Variants in TASOR2 observed in about 807,000 individuals in gnomAD.
The protein encoded by TASOR2 is protein TASOR 2.
In TASOR2, 84 loss-of-function variants were observed where a neutral mutation model predicts 199.5. The ratio of observed to expected loss-of-function variants is 0.42; its 90% CI spans 0.35 to 0.50. TASOR2 has a LOEUF of 0.50. Ranked by LOEUF, TASOR2 falls within the 20% of genes least tolerant of loss-of-function variation. TASOR2 has a pLI of 0.02. For synonymous variants in TASOR2, 1,103 were observed against 1,046.6 expected (o/e 1.05, Z -1.04); for missense variants, 2,796 against 2,835.9 (o/e 0.99, Z 0.32).
chr10:5,718,231 C>T (rs184390871), intron 3 of TASOR2, among the ~76,000 whole-genome samples: 11 of 151,882 alleles, frequency 7.2e-5, no homozygotes, highest in African/African-American at 1.9e-4. Flanking sequence ...TTAAGTGAAT[C>T]GTGCAATTAG....
chr10:5,749,691 C>G, exon 15 of TASOR2: 1 of 1,614,142 alleles, frequency 6.2e-7, no homozygotes, highest in Non-Finnish European at 8.5e-7. Flanking sequence ...CTGTTTCATT[C>G]CACCTCAACA....
At chr10:5,697,240 A>G (rs566114809) in intron 1 of TASOR2, among the ~76,000 whole-genome samples, 1 of 152,286 alleles carries the variant, frequency 6.6e-6, no homozygotes, top group African/African-American at 2.4e-5. Flanking sequence ...GGGGCAGAGA[A>G]CGAGGTGCTA....
intron 2 of TASOR2, among the ~76,000 whole-genome samples, chr10:5,715,089 G>A (rs1056947693): frequency 6.6e-6 from 1 of 152,096 alleles, no homozygotes; most frequent in Admixed American, 6.6e-5. Context: ...GGAGACTTAG[G>A]AAATAGAGTT....
At chr10:5,703,046 T>C (rs1340639995) in intron 1 of TASOR2, among the ~76,000 whole-genome samples, 1 of 152,358 alleles carries the variant, frequency 6.6e-6, no homozygotes, top group East Asian at 1.9e-4. Flanking sequence ...TACTGGCTGG[T>C]AGTTTTAAAC....
intron 6 of TASOR2, among the ~76,000 whole-genome samples, 157 bp from the exon 8 acceptor site, chr10:5,723,520 A>G (rs1180453446): frequency 6.6e-6 from 1 of 152,182 alleles, no homozygotes; most frequent in Non-Finnish European, 1.5e-5. Flanking sequence ...AATCTGTACT[A>G]CTTAAAAATA....
chr10:5,751,074 T>C lies in TASOR2; in HGVS notation c.6606+1047T>C, dbSNP rs1837970558. On this transcript the variant is annotated intron_variant, in intron 15 of 20. Coordinates refer to ENST00000328090, the Ensembl canonical transcript of TASOR2. The surrounding 1 kb of genome is among the most constrained non-coding windows in gnomAD (Gnocchi z 5.3). ...AATACTCAGATATCATGTAGTGCTC[T>C]TGTCAGTGCATTCATTGTATCAGGA... Among the ~76,000 whole-genome samples the C allele has an allele frequency of 6.6e-6, 1 of 152,234 alleles. No homozygotes were observed. Among genetic ancestry groups the C allele is most frequent in the Non-Finnish European group, 1.5e-5 (1 of 68,040 alleles).
At position 5,719,546 on chromosome 10, in the gene TASOR2, T is replaced by C. The variant is rs939433715; in HGVS notation, c.-99-998T>C. Among the ~76,000 whole-genome samples the C allele has an allele frequency of 2.0e-5, 3 of 152,160 alleles. No homozygotes were observed. Among genetic ancestry groups the C allele is most frequent in the Non-Finnish European group, 4.4e-5 (3 of 68,022 alleles). Reference sequence around the variant, plus strand: ...TTTTAGTAAAGGCAGGGTTTCACCATGTTGGCCAGGATGGTCTTGATCTCT... The same window carrying C: ...TTTTAGTAAAGGCAGGGTTTCACCACGTTGGCCAGGATGGTCTTGATCTCT... On this transcript the variant is annotated intron_variant, in intron 3 of 20. Transcript: ENST00000328090. The surrounding 1 kb of genome is among the most constrained non-coding windows in gnomAD (Gnocchi z 4.1).
intron 19 of TASOR2, chr10:5,761,868 T>A (rs1839898149): frequency 6.5e-6 from 1 of 154,322 alleles, no homozygotes; most frequent in Non-Finnish European, 1.4e-5. Context: ...ACCCCATCTC[T>A]ACTAAAAATA....
intron 1 of TASOR2, among the ~76,000 whole-genome samples, chr10:5,695,165 C>T (rs1040901044): frequency 1.3e-5 from 2 of 152,130 alleles, no homozygotes; most frequent in Non-Finnish European, 2.9e-5. Flanking sequence ...TTACCAAATT[C>T]ATATTTACTA....
chr10:5,728,889 C>G (rs890791590), intron 10 of TASOR2, among the ~76,000 whole-genome samples: 1 of 151,890 alleles, frequency 6.6e-6, no homozygotes, highest in African/African-American at 2.4e-5. Flanking sequence ...AGATCTGGCT[C>G]CTGTAAGATT....
exon 15 of TASOR2, chr10:5,749,337 G>C (rs776004982): frequency 6.2e-7 from 1 of 1,614,218 alleles, no homozygotes; most frequent in South Asian, 1.1e-5. Context: ...ACCTCACCCA[G>C]AACACTTTAG....
At chr10:5,692,382 G>C (rs1246298225) in intron 1 of TASOR2, among the ~76,000 whole-genome samples, 1 of 152,090 alleles carries the variant, frequency 6.6e-6, no homozygotes, top group Non-Finnish European at 1.5e-5. Context: ...GGGGCTTGCG[G>C]GTAGGACACT....
At chr10:5,693,684 ACAG>A (rs1429209468) in intron 1 of TASOR2, among the ~76,000 whole-genome samples, 9 of 152,258 alleles carry the variant, frequency 5.9e-5, no homozygotes, top group African/African-American at 2.2e-4. Flanking sequence ...ACTTAGGACT[ACAG>A]GAGATCTTTT....
chr10:5,751,130 G>A lies in TASOR2; in HGVS notation c.6606+1103G>A, dbSNP rs1309247864. ...CCGATGTTGATTTATCCCCTTACTG[G>A]TATATTAACCTTTTCACTTGGTTAA... On this transcript the variant is annotated intron_variant, in intron 15 of 20. Transcript: ENST00000328090. The surrounding 1 kb of genome is among the most constrained non-coding windows in gnomAD (Gnocchi z 5.3). Among the ~76,000 whole-genome samples the A allele has an allele frequency of 6.6e-6, 1 of 152,138 alleles. No individual in the cohort carries two copies. Among genetic ancestry groups the A allele is most frequent in the East Asian group, 1.9e-4 (1 of 5,198 alleles).
At chr10:5,744,665 C>CT (rs1836921731) in intron 14 of TASOR2, among the ~76,000 whole-genome samples, 1 of 152,062 alleles carries the variant, frequency 6.6e-6, no homozygotes, top group Non-Finnish European at 1.5e-5. Context: ...TGAGCCACTG[C>CT]TCCAGCCAGA....
intron 1 of TASOR2, among the ~76,000 whole-genome samples, chr10:5,691,694 G>C (rs1042803868): frequency 8.5e-5 from 13 of 152,154 alleles, no homozygotes; most frequent in Non-Finnish European, 1.2e-4. Flanking sequence ...GGGTATCTTA[G>C]ATTGCTTAGT....
chr10:5,689,573 C>T lies in TASOR2; in HGVS notation c.-288+4398C>T, dbSNP rs1836195109. On this transcript the variant is annotated intron_variant, in intron 1 of 20. Transcript: ENST00000328090. The surrounding 1 kb of genome is among the most constrained non-coding windows in gnomAD (Gnocchi z 4.1). The stretch of plus-strand genomic sequence containing the variant: ...AGAGATCACGCCACTGCACTCCAGC[C>T]TGGGCGACAGAGCAAGACTCCATCT... 6.6e-6 allele frequency among the ~76,000 whole-genome samples: 1 copy of T among 152,142 alleles called. No homozygotes were observed. Among genetic ancestry groups the T allele is most frequent in the Admixed American group, 6.5e-5 (1 of 15,274 alleles).
In TASOR2 at chr10:5,699,513, A is replaced by G. The variant is rs1355599402; in HGVS notation, c.-287-13310A>G. 1.3e-5 allele frequency: 2 copies of G among 152,198 alleles called. No homozygotes were observed. Among genetic ancestry groups the G allele is most frequent in the East Asian group, 3.8e-4 (2 of 5,204 alleles). The allele number at this position is 152,198 out of a possible 1,614,324, so 9.4% of individuals were successfully genotyped here. The stretch of plus-strand genomic sequence containing the variant: ...TGTATGCCGTATGAATTATATCTCA[A>G]CATTGTATTAGAAAATAAAATTAAT... On this transcript the variant is annotated intron_variant, in intron 1 of 20. Coordinates refer to ENST00000328090, the Ensembl canonical transcript of TASOR2. This position sits in a 1 kb window ranked among gnomAD's most constrained non-coding sequence, Gnocchi z 4.1.
chr10:5,713,434 T>G (rs777729992), intron 2 of TASOR2, among the ~76,000 whole-genome samples: 7 of 152,182 alleles, frequency 4.6e-5, no homozygotes, highest in Non-Finnish European at 8.8e-5. Flanking sequence ...AGGGTAGGTC[T>G]CCAAAGATAT....
Sources: gnomAD v4.1 joint callset for allele counts (sites outside exome capture counted in the v4.1 genomes callset) on GRCh38, gnomAD v4.1.1 for gene constraint, Gnocchi (gnomAD v3.1) non-coding constraint, MANE v1.5 for transcripts, NCBI Gene and HGNC (gene_info 2026-07-23, HGNC 2026-07-21) for gene names.